The following METTL4 variants were observed in gnomAD, a reference collection of about 807,000 sequenced individuals.
The protein encoded by METTL4 is methyltransferase 4, N6-adenosine, also known as N(6)-adenine-specific methyltransferase METTL4.
METTL4 carries 40 observed loss-of-function variants against 54.0 expected under a neutral mutation model. That is an observed-to-expected ratio of 0.74 (90% CI 0.58 to 0.96). The LOEUF is 0.96. Among genes scored for constraint, METTL4 ranks in the 50% least tolerant of loss-of-function variants. The probability of loss-of-function intolerance (pLI) is 0.00; values close to 1 mark genes in which losing one functional copy is unlikely to be tolerated. For missense variants in METTL4, 525 were observed against 549.0 expected (o/e 0.96, Z 0.44); for synonymous variants, 169 against 183.8 (o/e 0.92, Z 0.65).
intron 3 of METTL4, among the ~76,000 whole-genome samples, chr18:2,555,811 G>A (rs906455802): frequency 1.3e-5 from 2 of 150,776 alleles, no homozygotes; most frequent in African/African-American, 2.5e-5. Flanking sequence ...TTTGTTGGTT[G>A]GTTGGTTGGT....
chr18:2,567,370 TG>T lies in METTL4; in HGVS notation c.-155del, dbSNP rs2143601373. 2 of 539,804 alleles carry T rather than the reference TG, an allele frequency of 3.7e-6. No homozygotes were observed. The highest frequency in any genetic ancestry group is 7.4e-5 in the Admixed American group (2 of 26,922). 33.4% of individuals were successfully genotyped at this position (539,804 alleles called of 1,614,324 possible). A position where few individuals can be genotyped will look rare whatever the true frequency, so the allele number is the denominator to read the frequency against. ...AAGTACAAAAACCTGACATGCACATTGAAGAGAATTTATCATTCATGATGTT... is the reference window on the plus strand; with the variant it reads ...AAGTACAAAAACCTGACATGCACATTAAGAGAATTTATCATTCATGATGTT... On this transcript the variant is annotated 5_prime_UTR_variant, in exon 2 of 9. The change creates a premature stop within an existing upstream ORF in the 5' untranslated region. Coordinates refer to ENST00000574538, the MANE Select transcript of METTL4 (RefSeq NM_022840.5).
In METTL4 at chr18:2,552,733, A is replaced by T; in HGVS notation, c.861T>A (p.Asp287Glu). Residue 287 changes from aspartate to glutamate, a missense_variant, in exon 5 of 9, where the codon GAT becomes GAA. Asp to Glu is a conservative substitution (Grantham distance 45). Transcript: ENST00000574538. ...YRKTFDVIVI[D>E]PPWQNKSVKR... ...TAACTGATTTGTTCTGCCATGGTGGATCTATCACAATTACATCAAATGTTT... is the reference window on the plus strand; with the variant it reads ...TAACTGATTTGTTCTGCCATGGTGGTTCTATCACAATTACATCAAATGTTT... The T allele has an allele frequency of 6.2e-7, 1 of 1,611,332 alleles. No individual in the cohort carries two copies. The highest frequency in any genetic ancestry group is 8.5e-7 in the Non-Finnish European group (1 of 1,178,822).
At chr18:2,563,730 T>C (rs934349377) in intron 3 of METTL4, 67 bp downstream of exon 3, 1 of 1,137,508 alleles carries the variant, frequency 8.8e-7, no homozygotes, top group South Asian at 1.4e-5. Context: ...CTTATTTATG[T>C]TGTCCATTTA....
At chr18:2,556,987 C>A (rs1411112992) in intron 3 of METTL4, among the ~76,000 whole-genome samples, 2 of 152,058 alleles carry the variant, frequency 1.3e-5, no homozygotes, top group African/African-American at 2.4e-5. Context: ...GTAGCAAGAG[C>A]TTTTAAAACA....
rs1307420352 is a variant in METTL4, at chr18:2,564,132, G to A, written c.397-273C>T. On this transcript the variant is annotated intron_variant, in intron 2 of 8. Coordinates refer to ENST00000574538, the MANE Select transcript of METTL4 (RefSeq NM_022840.5). ...ATAAGAACTAGTTCTGGCCGGGCAC[G>A]GTGGCTCACGCCTGTAATCCCAGCA... Among the ~76,000 whole-genome samples, 13 of 152,166 alleles carry A rather than the reference G, an allele frequency of 8.5e-5. No individual in the cohort carries two copies. The East Asian group carries it at 1.4e-3, about 16-fold the overall frequency.
rs1393868767 is a variant in METTL4, at chr18:2,538,969, G to T, written c.*31C>A. On this transcript the variant is annotated 3_prime_UTR_variant, in exon 9 of 9. Transcript: ENST00000574538. ...AAGGGAAAAGTGGTGAGGAAACAAT[G>T]AAGAAACCACTACTTTAATCAAGAT... 2 of 1,597,806 alleles carry T rather than the reference G, an allele frequency of 1.3e-6. No individual in the cohort carries two copies. The highest frequency in any genetic ancestry group is 2.7e-5 in the African/African-American group (2 of 74,418).
intron 6 of METTL4, among the ~76,000 whole-genome samples, chr18:2,546,369 T>C (rs963036044): frequency 6.6e-6 from 1 of 152,140 alleles, no homozygotes; most frequent in Non-Finnish European, 1.5e-5. Context: ...TATCTCTCTA[T>C]TTATAAATTA....
chr18:2,558,315 C>A (rs992419765), intron 3 of METTL4, among the ~76,000 whole-genome samples: 2 of 152,028 alleles, frequency 1.3e-5, no homozygotes, highest in African/African-American at 4.8e-5. Flanking sequence ...CAAGAAGACA[C>A]TGAGATAAAC....
intron 2 of METTL4, among the ~76,000 whole-genome samples, chr18:2,565,881 A>G (rs1217625312): frequency 6.6e-6 from 1 of 152,064 alleles, no homozygotes; most frequent in African/African-American, 2.4e-5. Flanking sequence ...CCCCGTCTCT[A>G]CTAAAAATAC....
At chr18:2,559,332 T>C (rs547414527) in intron 3 of METTL4, among the ~76,000 whole-genome samples, 5 of 152,244 alleles carry the variant, frequency 3.3e-5, no homozygotes, top group African/African-American at 4.8e-5. Context: ...CTTGAAGACA[T>C]AGTGAAATAA....
In METTL4 at chr18:2,554,757, C is replaced by A. The variant is rs772524674; in HGVS notation, c.741G>T (p.Val247=). 8.1e-6 allele frequency: 13 copies of A among 1,613,456 alleles called. No homozygotes were observed. Among genetic ancestry groups the A allele is most frequent in the East Asian group, 2.2e-5 (1 of 44,862 alleles). Residue 247 remains valine (V), a synonymous_variant, in exon 4 of 9, where the codon GTG becomes GTT. Transcript: ENST00000574538. ...GGTATTTCTGTCCCATTAAAGTAAT[C>A]ACTTTTGTAAAGCTAGAGTTGTTTT... ...VVENNSSFTK[V]ITLMGQKYLL...
chr18:2,541,099 T>G (rs2071987419), intron 8 of METTL4, among the ~76,000 whole-genome samples: 2 of 152,240 alleles, frequency 1.3e-5, no homozygotes, highest in African/African-American at 4.8e-5. Context: ...TGCATGGTTC[T>G]TTTCCTTTCT....
At chr18:2,550,274 C>T (rs1255675943) in intron 5 of METTL4, among the ~76,000 whole-genome samples, 1 of 152,058 alleles carries the variant, frequency 6.6e-6, no homozygotes, top group Non-Finnish European at 1.5e-5. Flanking sequence ...CCTCTTCTAG[C>T]TCTAATTTCA....
chr18:2,554,992 C>A lies in METTL4; in HGVS notation c.506G>T (p.Gly169Val), dbSNP rs1164540472. 1 of 1,613,894 alleles carries A rather than the reference C, an allele frequency of 6.2e-7. No homozygotes were observed. Among genetic ancestry groups the A allele is most frequent in the Non-Finnish European group, 8.5e-7 (1 of 1,179,924 alleles). Residue 169 changes from glycine (G) to valine (V), a missense_variant, in exon 4 of 9, where the codon GGT becomes GTT. Transcript: ENST00000574538. ...TGGATAAAGAAAACCACTTTTGAGA[C>A]CTTCCTGGATCAACTGTAAAGATCC... ...LDGSLQLIQE[G>V]LKSGFLYPLF... is the part of the protein sequence containing the mutation.
intron 4 of METTL4, 137 bp downstream of exon 4, chr18:2,554,532 G>A: frequency 1.3e-6 from 1 of 749,152 alleles, no homozygotes; most frequent in Non-Finnish European, 2.2e-6. Flanking sequence ...TTAAACCTAA[G>A]AGACAAATAA....
chr18:2,554,963 A>C lies in METTL4; in HGVS notation c.535T>G (p.Phe179Val). ...TTACTACCCTTGTCCTGTTTTTCAA[A>C]AAGTGGATAAAGAAAACCACTTTTG... Reference protein sequence around the residue: ...GLKSGFLYPLFEKQDKGSKPI... With the variant: ...GLKSGFLYPLVEKQDKGSKPI... Residue 179 changes from phenylalanine to valine, a missense_variant, in exon 4 of 9, where the codon TTT (phenylalanine) becomes GTT (valine). Transcript: ENST00000574538. 2 of 1,614,082 alleles carry C rather than the reference A, an allele frequency of 1.2e-6. No homozygotes were observed. Among genetic ancestry groups the C allele is most frequent in the Non-Finnish European group, 1.7e-6 (2 of 1,179,950 alleles).
In METTL4 at chr18:2,537,803, G is replaced by A; in HGVS notation, c.*1197C>T. On this transcript the variant is annotated 3_prime_UTR_variant, in exon 9 of 9. Coordinates refer to ENST00000574538, the MANE Select transcript of METTL4 (RefSeq NM_022840.5). ...TTTCTCAAAATGCTACGTGAAAGAA[G>A]CCAGGCACAATAGATTACACATTGC... 1 of 398,340 alleles carries A rather than the reference G, an allele frequency of 2.5e-6. No individual in the cohort carries two copies. Among genetic ancestry groups the A allele is most frequent in the Non-Finnish European group, 4.4e-6 (1 of 225,912 alleles). 24.7% of individuals were successfully genotyped at this position (398,340 alleles called of 1,614,324 possible). A position where few individuals can be genotyped will look rare whatever the true frequency, so the allele number is the denominator to read the frequency against.
At chr18:2,547,747 G>A (rs1295812365) in intron 5 of METTL4, among the ~76,000 whole-genome samples, 1 of 122,398 alleles carries the variant, frequency 8.2e-6, no homozygotes, top group Non-Finnish European at 1.9e-5. Context: ...TCGTCAGGCT[G>A]TATTTTTTTT....
At position 2,540,389 on chromosome 18, in the gene METTL4, G is replaced by A. The variant is rs1411333442; in HGVS notation, c.1274-1244C>T. Reference sequence around the variant, plus strand: ...GAAGAAATCTATCAAATTTAGGAATGATAAGGGTTCTTTAGGAATACTAGA... The same window carrying A: ...GAAGAAATCTATCAAATTTAGGAATAATAAGGGTTCTTTAGGAATACTAGA... On this transcript the variant is annotated intron_variant, in intron 8 of 8. Coordinates refer to ENST00000574538, the MANE Select transcript of METTL4 (RefSeq NM_022840.5). 4 of 979,746 alleles carry A rather than the reference G, an allele frequency of 4.1e-6. No individual in the cohort carries two copies. In the South Asian group the frequency reaches 1.4e-4, roughly 35 times the overall value. The allele number at this position is 979,746 out of a possible 1,614,324, so 60.7% of individuals were successfully genotyped here.
Sources: gnomAD v4.1 joint callset for allele counts (sites outside exome capture counted in the v4.1 genomes callset) on GRCh38, gnomAD v4.1.1 for gene constraint, MANE v1.5 for transcripts, NCBI Gene and HGNC (gene_info 2026-07-23, HGNC 2026-07-21) for gene names.